The following PTPRC variants were observed in gnomAD, a reference collection of about 807,000 sequenced individuals.
PTPRC encodes protein tyrosine phosphatase receptor type C.
Under a neutral mutation model 155.9 loss-of-function variants are expected in PTPRC, and 44 were observed. The ratio of observed to expected loss-of-function variants is 0.28; its 90% CI spans 0.22 to 0.36. The LOEUF is 0.36. Ranked by LOEUF, PTPRC falls within the 10% of genes least tolerant of loss-of-function variation. The pLI, the probability that PTPRC is intolerant of heterozygous loss-of-function variation, is 1.00. For synonymous variants in PTPRC, 525 were observed against 533.1 expected (o/e 0.98, Z 0.21); for missense variants, 1,401 against 1,564.6 (o/e 0.90, Z 1.76).
chr1:198,667,231 CAT>C (rs1423167642), intron 2 of PTPRC, among the ~76,000 whole-genome samples: 1 of 152,194 alleles, frequency 6.6e-6, no homozygotes, highest in African/African-American at 2.4e-5. Flanking sequence ...AGAAATTTAA[CAT>C]ATAACCATTC....
At chr1:198,638,761 T>C (rs1262675033), upstream of PTPRC, 2 of 156,990 alleles carry the variant, frequency 1.3e-5, no homozygotes, top group African/African-American at 4.8e-5. Context: ...GTTATACTTA[T>C]GCTGAATCTG....
intron 15 of PTPRC, among the ~76,000 whole-genome samples, chr1:198,724,291 G>A (rs1175770724): frequency 6.6e-6 from 1 of 152,148 alleles, no homozygotes; most frequent in Non-Finnish European, 1.5e-5. Context: ...ACAGCTACTA[G>A]GGATGTGTTG....
intron 2 of PTPRC, among the ~76,000 whole-genome samples, chr1:198,644,654 C>G (rs1662838563): frequency 6.6e-6 from 1 of 151,770 alleles, no homozygotes; most frequent in Non-Finnish European, 1.5e-5. Flanking sequence ...AGCTTTCCTA[C>G]TCTTTCATCT....
chr1:198,729,375 T>C (rs992730686), intron 17 of PTPRC, among the ~76,000 whole-genome samples: 4 of 152,116 alleles, frequency 2.6e-5, no homozygotes, highest in African/African-American at 9.7e-5. Context: ...CCCAAGTATC[T>C]GGGATTACAG....
At chr1:198,736,017 C>A (rs1295894034) in intron 23 of PTPRC, among the ~76,000 whole-genome samples, 1 of 151,388 alleles carries the variant, frequency 6.6e-6, no homozygotes, top group East Asian at 1.9e-4. Flanking sequence ...AAATGTGTAT[C>A]TCTTATTTCC....
intron 2 of PTPRC, among the ~76,000 whole-genome samples, chr1:198,691,238 C>T (rs147204474): frequency 6.6e-6 from 1 of 152,054 alleles, no homozygotes; most frequent in African/African-American, 2.4e-5. Flanking sequence ...GAGCTACAAA[C>T]CTCTATATTC....
chr1:198,699,442 C>G, intron 4 of PTPRC, 122 bp from the exon 5 acceptor site: 2 of 1,185,556 alleles, frequency 1.7e-6, no homozygotes, highest in Non-Finnish European at 2.5e-6. Flanking sequence ...CACATTTTAA[C>G]AGATTCAGTT....
chr1:198,738,483 T>C (rs779451645), intron 23 of PTPRC, among the ~76,000 whole-genome samples: 4 of 151,918 alleles, frequency 2.6e-5, no homozygotes, highest in Admixed American at 6.6e-5. Context: ...CATCCTTGCA[T>C]CCCTTGGATA....
intron 23 of PTPRC, among the ~76,000 whole-genome samples, chr1:198,736,732 G>A (rs1654658475): frequency 1.3e-5 from 2 of 151,602 alleles, no homozygotes; most frequent in South Asian, 4.1e-4. Flanking sequence ...TCATATGGTA[G>A]TGCTATTTTT....
intron 2 of PTPRC, among the ~76,000 whole-genome samples, chr1:198,689,083 A>T (rs539355091): frequency 1.3e-5 from 2 of 152,304 alleles, no homozygotes; most frequent in African/African-American, 4.8e-5. Context: ...ATTATTCTTT[A>T]AAAAAGTAAA....
chr1:198,751,589 C>T (rs906248977), intron 29 of PTPRC, among the ~76,000 whole-genome samples: 3 of 151,940 alleles, frequency 2.0e-5, no homozygotes, highest in African/African-American at 7.2e-5. Context: ...TCCCACAATC[C>T]TTTCCTTCAT....
intron 2 of PTPRC, among the ~76,000 whole-genome samples, chr1:198,684,436 A>C (rs1665507496): frequency 1.3e-5 from 2 of 151,654 alleles, no homozygotes; most frequent in African/African-American, 4.8e-5. Flanking sequence ...ATTTGATTTT[A>C]TTCCTCTCAT....
chr1:198,698,855 A>G (rs1666330634), intron 4 of PTPRC, among the ~76,000 whole-genome samples: 2 of 152,156 alleles, frequency 1.3e-5, no homozygotes, highest in African/African-American at 4.8e-5. Context: ...CAATGAAAAT[A>G]CCCTTTAAAT....
At chr1:198,718,023 C>T in intron 13 of PTPRC, 71 bp from the exon 14 acceptor site, 5 of 1,227,616 alleles carry the variant, frequency 4.1e-6, no homozygotes, top group Non-Finnish European at 5.9e-6. Context: ...ATACTATATC[C>T]AAGTATTGTC....
In PTPRC at chr1:198,709,707, A is replaced by G; in HGVS notation, c.1054A>G (p.Lys352Glu). ...TTCAGGTAATATGATATTTGATAAT[A>G]AAGAAATTAAATTAGAAAACCTTGA... ...FQCGNMIFDN[K>E]EIKLENLEPE... Residue 352 changes from lysine (K) to glutamate (E), a missense_variant, in exon 11 of 33, where the codon AAA becomes GAA. By Grantham distance (56) the Lys-to-Glu change is moderately conservative. Coordinates refer to ENST00000442510, the MANE Select transcript of PTPRC (RefSeq NM_002838.5). 1 of 1,587,798 alleles carries G rather than the reference A, an allele frequency of 6.3e-7. No individual in the cohort carries two copies. The highest frequency in any genetic ancestry group is 8.6e-7 in the Non-Finnish European group (1 of 1,162,036).
intron 2 of PTPRC, among the ~76,000 whole-genome samples, chr1:198,684,045 A>G (rs17669032): frequency 0.07 from 10,715 of 152,012 alleles, 570 homozygotes; most frequent in Middle Eastern, 0.11. Context: ...TGACTATGGG[A>G]CATTTAAAGG....
At chr1:198,705,499 C>T (rs990599552) in intron 8 of PTPRC, among the ~76,000 whole-genome samples, 19 of 150,378 alleles carry the variant, frequency 1.3e-4, no homozygotes, top group African/African-American at 3.9e-4. Context: ...CAGCTTACTG[C>T]AACCTCTGCC....
At position 198,748,093 on chromosome 1, in the gene PTPRC, T is replaced by TG. The variant is rs781272912; in HGVS notation, c.2848-16_2848-15insG. ...ACATTTTAAAGGAGTTTTTCTGTTT[T>TG]TTTTTTTTTTTTCAGAGACTTCCTT... On this transcript the variant is annotated splice_polypyrimidine_tract_variant and intron_variant, in intron 26 of 32. Transcript: ENST00000442510. 76 of 1,552,376 alleles carry TG rather than the reference T, an allele frequency of 4.9e-5. No individual in the cohort carries two copies. The highest frequency in any genetic ancestry group is 6.3e-5 in the Non-Finnish European group (72 of 1,144,364).
intron 2 of PTPRC, among the ~76,000 whole-genome samples, chr1:198,661,318 A>G (rs1663948640): frequency 6.7e-6 from 1 of 149,558 alleles, no homozygotes; most frequent in African/African-American, 2.4e-5. Context: ...TTAATTATTT[A>G]TTAAATAATA....
Sources: gnomAD v4.1 joint callset for allele counts (sites outside exome capture counted in the v4.1 genomes callset) on GRCh38, gnomAD v4.1.1 for gene constraint, MANE v1.5 for transcripts, NCBI Gene and HGNC (gene_info 2026-07-23, HGNC 2026-07-21) for gene names.